The following TMEM243 variants were observed in gnomAD, a reference collection of about 807,000 sequenced individuals.
The protein encoded by TMEM243 is transmembrane protein 243.
In TMEM243, 20 loss-of-function variants were observed where a neutral mutation model predicts 15.0. That is an observed-to-expected ratio of 1.33 (90% CI 0.94 to 1.93). The LOEUF (loss-of-function observed/expected upper bound fraction) is 1.93. Ranked by LOEUF, TMEM243 falls within the 30% of genes most tolerant of loss-of-function variation. The pLI is 0.00. For synonymous variants in TMEM243, 72 were observed against 52.7 expected, an observed-to-expected ratio of 1.37 and a Z score of -1.59; for missense variants, 156 against 142.1, an observed-to-expected ratio of 1.10 and a Z score of -0.50.
chr7:87,201,512 T>C (rs1801807547), intron 1 of TMEM243, among the ~76,000 whole-genome samples: 2 of 152,232 alleles, frequency 1.3e-5, no homozygotes, highest in African/African-American at 2.4e-5. Context: ...GCTCCTTCCC[T>C]GGGCCTAGAG....
intron 1 of TMEM243, among the ~76,000 whole-genome samples, chr7:87,209,436 C>G (rs1008103897): frequency 1.7e-4 from 26 of 150,304 alleles, no homozygotes; most frequent in Middle Eastern, 3.2e-3. Flanking sequence ...GAGAGTGAGA[C>G]AGAGATTGAG....
upstream of TMEM243, chr7:87,220,276 A>C (rs1192628592): frequency 6.5e-6 from 1 of 153,084 alleles, no homozygotes; most frequent in Non-Finnish European, 1.5e-5. Context: ...TCTCTGCCGG[A>C]ACTGCAGCAG....
intron 1 of TMEM243, chr7:87,216,874 A>G (rs1412302492): frequency 1.3e-5 from 2 of 152,242 alleles, no homozygotes; most frequent in Non-Finnish European, 1.5e-5. Flanking sequence ...AAAGGGAGTT[A>G]GTGAAGCATT....
At chr7:87,200,065 G>C (rs1290104902) in intron 1 of TMEM243, among the ~76,000 whole-genome samples, 1 of 152,118 alleles carries the variant, frequency 6.6e-6, no homozygotes, top group Non-Finnish European at 1.5e-5. Flanking sequence ...AGCAGCAACC[G>C]AATTCTCATT....
At chr7:87,217,901 G>A (rs1234018500) in intron 1 of TMEM243, among the ~76,000 whole-genome samples, 1 of 152,224 alleles carries the variant, frequency 6.6e-6, no homozygotes, top group Non-Finnish European at 1.5e-5. Flanking sequence ...CTAAGTGTTT[G>A]CATAAATGGA....
At chr7:87,197,525 T>G (rs1264658277) in intron 3 of TMEM243, among the ~76,000 whole-genome samples, 1 of 151,982 alleles carries the variant, frequency 6.6e-6, no homozygotes, top group Non-Finnish European at 1.5e-5. Flanking sequence ...AACAAACATG[T>G]AGATTAAACT....
In TMEM243 at chr7:87,197,724, C is replaced by G. The variant is rs1179230526; in HGVS notation, c.234+217G>C. 9 of 266,494 alleles carry G rather than the reference C, an allele frequency of 3.4e-5. No homozygotes were observed. The East Asian group carries it at 4.6e-4, about 14-fold the overall frequency. The allele number at this position is 266,494 out of a possible 1,614,324, so 16.5% of individuals were successfully genotyped here. The stretch of plus-strand genomic sequence containing the variant: ...TTTTTTTTTTTTTTTTTTAAGCTAT[C>G]AAGGGAGTGGAATTTCTCTTTGGGG... On this transcript the variant is annotated intron_variant, in intron 3 of 3. Coordinates refer to ENST00000257637, the MANE Select transcript of TMEM243 (RefSeq NM_024315.4).
At chr7:87,206,287 CTA>C (rs749152572) in intron 1 of TMEM243, among the ~76,000 whole-genome samples, 3 of 152,198 alleles carry the variant, frequency 2.0e-5, no homozygotes, top group African/African-American at 4.8e-5. Flanking sequence ...GAACTCAACA[CTA>C]TCAACTTCAC....
intron 1 of TMEM243, 112 bp downstream of exon 1, chr7:87,219,314 T>C: frequency 2.1e-6 from 2 of 955,170 alleles, no homozygotes; most frequent in Non-Finnish European, 3.3e-6. Context: ...AGAACCAGCT[T>C]CCTCCCTAAA....
intron 1 of TMEM243, among the ~76,000 whole-genome samples, chr7:87,209,541 TGAGAGACAATGA>T (rs1354223544): frequency 0.17 from 6,591 of 39,550 alleles, 187 homozygotes; most frequent in Middle Eastern, 0.24. Context: ...AGAGAGAAAG[TGAGAGACAATGA>T]GAGAGACAAT....
chr7:87,204,522 T>C (rs1802062431), intron 1 of TMEM243, among the ~76,000 whole-genome samples: 1 of 138,670 alleles, frequency 7.2e-6, no homozygotes, highest in South Asian at 2.2e-4. Flanking sequence ...ATTGAGTAAA[T>C]ACACACATTC....
chr7:87,209,976 CAG>C (rs1349942760), intron 1 of TMEM243, among the ~76,000 whole-genome samples: 6 of 92,888 alleles, frequency 6.5e-5, no homozygotes, highest in Admixed American at 2.8e-4. Context: ...GGAGGGGGGA[CAG>C]AGAGAGAGAC....
chr7:87,219,751 C>T (rs1354884657), upstream of TMEM243: 1 of 529,754 alleles, frequency 1.9e-6, no homozygotes. Flanking sequence ...ACAAACACTG[C>T]GTGGCAGACT....
At chr7:87,209,520 G>A (rs1802478294) in intron 1 of TMEM243, among the ~76,000 whole-genome samples, 1 of 49,988 alleles carries the variant, frequency 2.0e-5, no homozygotes, top group African/African-American at 1.1e-4. Flanking sequence ...AAGACAGTGA[G>A]AGAGAGAGTG....
intron 1 of TMEM243, among the ~76,000 whole-genome samples, chr7:87,201,125 T>A (rs1801773898): frequency 6.6e-6 from 1 of 152,252 alleles, no homozygotes; most frequent in Non-Finnish European, 1.5e-5. Context: ...TGGTCCCCTC[T>A]GGGATTCCCA....
intron 1 of TMEM243, among the ~76,000 whole-genome samples, chr7:87,206,654 G>A (rs948986472): frequency 6.6e-6 from 1 of 152,194 alleles, no homozygotes; most frequent in Non-Finnish European, 1.5e-5. Flanking sequence ...ATATTACATA[G>A]AACAGTGCAC....
chr7:87,209,666 G>GAGACAGAGCGAGAGCGAGAGAGAC, intron 1 of TMEM243, among the ~76,000 whole-genome samples: 1 of 132,152 alleles, frequency 7.6e-6, no homozygotes, highest in South Asian at 2.5e-4. Context: ...CAGAGCGAGA[G>GAGACAGAGCGAGAGCGAGAGAGAC]AGAGCGAGAG....
At chr7:87,200,435 C>CA (rs957486182) in intron 1 of TMEM243, among the ~76,000 whole-genome samples, 4 of 151,896 alleles carry the variant, frequency 2.6e-5, no homozygotes, top group African/African-American at 9.7e-5. Context: ...TGTAGAGAGA[C>CA]AAAATCCATG....
At chr7:87,199,303 T>C (rs985160884) in intron 1 of TMEM243, 4 of 411,064 alleles carry the variant, frequency 9.7e-6, no homozygotes, top group Non-Finnish European at 1.7e-5. Flanking sequence ...AGAGTCTTGA[T>C]TGGGTAGTAT....
Sources: gnomAD v4.1 joint callset for allele counts (sites outside exome capture counted in the v4.1 genomes callset) on GRCh38, gnomAD v4.1.1 for gene constraint, MANE v1.5 for transcripts, NCBI Gene and HGNC (gene_info 2026-07-23, HGNC 2026-07-21) for gene names.